The following THOC7 variants were observed in gnomAD, a reference collection of about 807,000 sequenced individuals.
THOC7 encodes the protein THO complex subunit 7.
Under a neutral mutation model 33.1 loss-of-function variants are expected in THOC7, and 22 were observed. The observed-to-expected ratio is 0.66, with a 90% confidence interval of 0.47 to 0.95. The LOEUF (loss-of-function observed/expected upper bound fraction) is 0.95, where lower values mean the gene tolerates loss of function less well. THOC7 is among the 40% of genes least tolerant of loss of function. The pLI, the probability that THOC7 is intolerant of heterozygous loss-of-function variation, is 0.00. For missense variants in THOC7, 184 were observed against 245.3 expected, an observed-to-expected ratio of 0.75 and a Z score of 1.67; for synonymous variants, 77 against 76.8, an observed-to-expected ratio of 1.00 and a Z score of -0.01.
At chr3:63,835,522 T>C (rs926863229) in intron 5 of THOC7, 132 bp from the exon 6 acceptor site, 6 of 641,300 alleles carry the variant, frequency 9.4e-6, no homozygotes, top group African/African-American at 5.5e-5. Flanking sequence ...TAACACTCCA[T>C]TATGGTGAAA....
chr3:63,840,600 A>AAAAAAAT (rs1333655556), intron 1 of THOC7, among the ~76,000 whole-genome samples: 1 of 152,164 alleles, frequency 6.6e-6, no homozygotes, highest in African/African-American at 2.4e-5. Context: ...GTCTCCAAAG[A>AAAAAAAT]AAAAAATAAA....
At chr3:63,856,789 C>G (rs1702124275) in intron 1 of THOC7, among the ~76,000 whole-genome samples, 1 of 151,938 alleles carries the variant, frequency 6.6e-6, no homozygotes, top group Non-Finnish European at 1.5e-5. Flanking sequence ...GCTATCTCGG[C>G]TCACTGCAAG....
intron 1 of THOC7, among the ~76,000 whole-genome samples, chr3:63,847,080 G>A (rs533193956): frequency 4.5e-4 from 68 of 152,166 alleles, no homozygotes; most frequent in African/African-American, 5.8e-4. Flanking sequence ...GAAGAATTGC[G>A]TAGGCGAATA....
intron 1 of THOC7, among the ~76,000 whole-genome samples, chr3:63,859,360 C>T (rs1198710661): frequency 6.6e-6 from 1 of 152,242 alleles, no homozygotes; most frequent in Non-Finnish European, 1.5e-5. Flanking sequence ...CTCCTGAGCT[C>T]CCTTTTACCT....
At chr3:63,838,667 TGTA>T (rs1160879096) in intron 2 of THOC7, among the ~76,000 whole-genome samples, 168 bp from the exon 3 acceptor site, 1 of 152,238 alleles carries the variant, frequency 6.6e-6, no homozygotes, top group East Asian at 1.9e-4. Flanking sequence ...TTTTATCAAA[TGTA>T]GTATTCTTGA....
intron 1 of THOC7, chr3:63,846,141 C>G (rs1437429500): frequency 2.4e-6 from 1 of 422,112 alleles, no homozygotes; most frequent in African/African-American, 2.1e-5. Context: ...TACTGCCTCT[C>G]TCTCTCTTTC....
rs200825086 is a variant in THOC7, at chr3:63,838,504, T to C, written c.138-5A>G. On this transcript the variant is annotated splice_polypyrimidine_tract_variant and splice_region_variant and intron_variant, in intron 2 of 7. Transcript: ENST00000295899. ...ATACGTTGGTACTGGCTATATCTAA[T>C]GAAAAAGAAAGAAAACCAAAATAAA... The C allele has an allele frequency of 2.8e-5, 44 of 1,579,922 alleles. No individual in the cohort carries two copies. In the African/African-American group the frequency reaches 5.2e-4, roughly 19 times the overall value.
At chr3:63,856,961 AC>A (rs1476243495) in intron 1 of THOC7, among the ~76,000 whole-genome samples, 1 of 151,938 alleles carries the variant, frequency 6.6e-6, no homozygotes, top group East Asian at 1.9e-4. Context: ...CTCGTGACCT[AC>A]CCGCCTCGGC....
chr3:63,838,886 T>C (rs1330026522), intron 2 of THOC7, among the ~76,000 whole-genome samples: 2 of 152,226 alleles, frequency 1.3e-5, no homozygotes, highest in African/African-American at 2.4e-5. Context: ...AAAAGTTTGC[T>C]ATGTTAAAAA....
At chr3:63,858,408 C>T (rs1702150770) in intron 1 of THOC7, among the ~76,000 whole-genome samples, 1 of 152,068 alleles carries the variant, frequency 6.6e-6, no homozygotes, top group African/African-American at 2.4e-5. Flanking sequence ...ATATTAAAAA[C>T]CATTATTTCA....
At chr3:63,850,444 A>G (rs1701996556) in intron 1 of THOC7, among the ~76,000 whole-genome samples, 1 of 151,218 alleles carries the variant, frequency 6.6e-6, no homozygotes, top group Non-Finnish European at 1.5e-5. Context: ...CAAATGATCC[A>G]CCCACCTTGG....
intron 2 of THOC7, among the ~76,000 whole-genome samples, chr3:63,839,217 G>A (rs977728481): frequency 1.3e-5 from 2 of 152,098 alleles, no homozygotes; most frequent in Admixed American, 1.3e-4. Flanking sequence ...ATATACGTGT[G>A]TGCGTGTGTA....
At position 63,834,175 on chromosome 3, in the gene THOC7, T is replaced by G; in HGVS notation, c.572A>C (p.Glu191Ala). Residue 191 changes from glutamate (E) to alanine (A), a missense_variant, in exon 8 of 8, where the codon GAA becomes GCA. This residue lies in a region of THOC7 where 25 missense variants were observed against 26.5 expected (regional missense o/e 0.94). Coordinates refer to ENST00000295899, the MANE Select transcript of THOC7 (RefSeq NM_025075.4). Reference sequence around the variant, plus strand: ...TTCCATGCTTGCTTCCTGAGCTTCTTCTACCTCTGAGAGTTTTTCATCATC... The same window carrying G: ...TTCCATGCTTGCTTCCTGAGCTTCTGCTACCTCTGAGAGTTTTTCATCATC... ...LENDEKLSEV[E>A]EAQEASMETD... 6.2e-7 allele frequency: 1 copy of G among 1,614,102 alleles called. No individual in the cohort carries two copies. Among genetic ancestry groups the G allele is most frequent in the Non-Finnish European group, 8.5e-7 (1 of 1,180,006 alleles).
chr3:63,850,884 A>T (rs1457752155), intron 1 of THOC7, among the ~76,000 whole-genome samples: 1 of 151,890 alleles, frequency 6.6e-6, no homozygotes, highest in African/African-American at 2.4e-5. Context: ...ACTGCACCTG[A>T]CCTCTGCTTT....
chr3:63,834,159 TG>T lies in THOC7; in HGVS notation c.587del (p.Ala196GlufsTer23). The T allele has an allele frequency of 1.2e-6, 2 of 1,614,144 alleles. No homozygotes were observed. Among genetic ancestry groups the T allele is most frequent in the Non-Finnish European group, 8.5e-7 (1 of 1,180,004 alleles). Reference protein sequence around the residue: ...KLSEVEEAQEASMETDPKP With the variant: ...KLSEVEEAQEXSMETDPKP ...ATGGCTTAGGATCTGTTTCCATGCT[TG>T]CTTCCTGAGCTTCTTCTACCTCTGA... On this transcript the variant is annotated frameshift_variant, in exon 8 of 8. Transcript: ENST00000295899. LOFTEE classifies it high-confidence loss of function.
upstream of THOC7, chr3:63,863,829 C>A (rs1702310685): frequency 2.4e-6 from 3 of 1,227,300 alleles, no homozygotes; most frequent in South Asian, 7.9e-5. Context: ...GCGGCGCAAG[C>A]TGAGGCGGCG....
intron 1 of THOC7, among the ~76,000 whole-genome samples, chr3:63,855,444 T>C (rs1702097161): frequency 6.6e-6 from 1 of 152,218 alleles, no homozygotes; most frequent in Non-Finnish European, 1.5e-5. Context: ...CTTAAAACTC[T>C]ATGTTTCATA....
intron 1 of THOC7, among the ~76,000 whole-genome samples, chr3:63,844,630 T>G (rs1051330158): frequency 1.3e-5 from 2 of 152,136 alleles, no homozygotes; most frequent in African/African-American, 4.8e-5. Context: ...GCAGCTATTG[T>G]GGAAATAGGT....
chr3:63,856,912 G>A (rs1702126184), intron 1 of THOC7, among the ~76,000 whole-genome samples: 1 of 152,148 alleles, frequency 6.6e-6, no homozygotes, highest in African/African-American at 2.4e-5. Flanking sequence ...TAGAGACGGG[G>A]TTTCACCGTG....
Sources: allele counts gnomAD v4.1 joint callset (sites outside exome capture counted in the v4.1 genomes callset), GRCh38; gene constraint gnomAD v4.1.1; regional missense constraint gnomAD v4.1.1; transcripts MANE v1.5; gene names NCBI Gene and HGNC (gene_info 2026-07-23, HGNC 2026-07-21).